GABRG3: variants seen among roughly 807,000 people sequenced by gnomAD.
The protein encoded by GABRG3 is gamma-aminobutyric acid receptor subunit gamma-3.
In GABRG3, 25 loss-of-function variants were observed where a neutral mutation model predicts 48.8. That is an observed-to-expected ratio of 0.51 (90% CI 0.37 to 0.72). The LOEUF (loss-of-function observed/expected upper bound fraction) is 0.72, where lower values mean the gene tolerates loss of function less well. Among genes scored for constraint, GABRG3 ranks in the 30% least tolerant of loss-of-function variants. GABRG3 has a pLI of 0.00. For missense variants in GABRG3, 394 were observed against 577.9 expected, an observed-to-expected ratio of 0.68 and a Z score of 3.26; for synonymous variants, 227 against 217.6, an observed-to-expected ratio of 1.04 and a Z score of -0.38.
At chr15:27,183,333 A>G (rs766123752) in intron 3 of GABRG3, among the ~76,000 whole-genome samples, 4 of 152,208 alleles carry the variant, frequency 2.6e-5, no homozygotes, top group Non-Finnish European at 5.9e-5. Flanking sequence ...TTTGCAGCTT[A>G]TGTTTAGCTC....
At chr15:27,301,634 ATATT>A (rs1378325937) in intron 3 of GABRG3, among the ~76,000 whole-genome samples, 1 of 151,916 alleles carries the variant, frequency 6.6e-6, no homozygotes, top group Non-Finnish European at 1.5e-5. Context: ...GTGTGTGTAT[ATATT>A]ATTTCATATG....
At chr15:27,284,351 T>A (rs1891538623) in intron 3 of GABRG3, among the ~76,000 whole-genome samples, 1 of 152,222 alleles carries the variant, frequency 6.6e-6, no homozygotes, top group African/African-American at 2.4e-5. Flanking sequence ...GACTTAATTT[T>A]AAAAATTCCC....
At chr15:27,205,111 A>G (rs1888811486) in intron 3 of GABRG3, among the ~76,000 whole-genome samples, 1 of 151,922 alleles carries the variant, frequency 6.6e-6, no homozygotes, top group Non-Finnish European at 1.5e-5. Context: ...CGGTGGCGAG[A>G]GAAGGTATCC....
chr15:27,034,562 C>T (rs967691432), intron 3 of GABRG3, among the ~76,000 whole-genome samples: 18 of 151,978 alleles, frequency 1.2e-4, no homozygotes, highest in Non-Finnish European at 2.4e-4. Flanking sequence ...AGGAGCCACA[C>T]AAGCTTTGTG....
intron 3 of GABRG3, among the ~76,000 whole-genome samples, chr15:27,051,057 T>C (rs951513954): frequency 6.6e-6 from 1 of 152,244 alleles, no homozygotes; most frequent in Non-Finnish European, 1.5e-5. Flanking sequence ...ACCAGATAAA[T>C]TGAGGCAATA....
intron 2 of GABRG3, among the ~76,000 whole-genome samples, chr15:27,018,840 T>C (rs565314722): frequency 6.6e-6 from 1 of 152,228 alleles, no homozygotes; most frequent in Admixed American, 6.5e-5. Context: ...TTTACCCAAA[T>C]TCTTCCACTT....
intron 3 of GABRG3, among the ~76,000 whole-genome samples, chr15:27,138,190 CCTG>C (rs1453518073): frequency 1.3e-5 from 2 of 152,138 alleles, no homozygotes; most frequent in African/African-American, 4.8e-5. Context: ...ATCTGCATAT[CCTG>C]CTCTTCTGAT....
intron 3 of GABRG3, among the ~76,000 whole-genome samples, chr15:27,068,380 A>G (rs998173899): frequency 2.0e-5 from 3 of 152,094 alleles, no homozygotes; most frequent in Non-Finnish European, 4.4e-5. Flanking sequence ...CATTGCAGAA[A>G]CTCTGTGCAC....
chr15:27,281,540 A>G (rs1322489174), intron 3 of GABRG3, among the ~76,000 whole-genome samples: 3 of 150,042 alleles, frequency 2.0e-5, no homozygotes, highest in African/African-American at 7.4e-5. Flanking sequence ...CTTTTTGTAT[A>G]GTTTTTTAAA....
intron 5 of GABRG3, among the ~76,000 whole-genome samples, chr15:27,338,433 A>T (rs1894051248): frequency 6.6e-6 from 1 of 152,074 alleles, no homozygotes; most frequent in African/African-American, 2.4e-5. Context: ...ATGGAAACCG[A>T]TTTAAGATGA....
At chr15:27,188,328 G>C (rs1888169105) in intron 3 of GABRG3, among the ~76,000 whole-genome samples, 4 of 152,132 alleles carry the variant, frequency 2.6e-5, no homozygotes, top group Admixed American at 2.6e-4. Context: ...GGTTGAACTA[G>C]TTTACAGTCC....
At chr15:27,307,329 A>T (rs898077619) in intron 3 of GABRG3, among the ~76,000 whole-genome samples, 17 of 140,608 alleles carry the variant, frequency 1.2e-4, no homozygotes, top group African/African-American at 4.1e-4. Context: ...ATATGTTTAT[A>T]TATAACCATA....
At chr15:27,143,593 A>G (rs1898145019) in intron 3 of GABRG3, among the ~76,000 whole-genome samples, 1 of 152,256 alleles carries the variant, frequency 6.6e-6, no homozygotes, top group South Asian at 2.1e-4. Flanking sequence ...TGACAGGATG[A>G]TATTTCACAA....
At chr15:27,054,015 A>G (rs1310145077) in intron 3 of GABRG3, among the ~76,000 whole-genome samples, 1 of 152,106 alleles carries the variant, frequency 6.6e-6, no homozygotes, top group Non-Finnish European at 1.5e-5. Context: ...TAATCCCTGC[A>G]CTTTGACTAA....
At position 27,336,208 on chromosome 15, in the gene GABRG3, A is replaced by AAGAGAG. The variant is rs71285057; in HGVS notation, c.574+7341_574+7346dup. ...CAGTATGAAAAGAAAGAAAGAAAGA[A>AAGAGAG]AGAGAGAGAGAGAGAGAGAGAGAGA... On this transcript the variant is annotated intron_variant, in intron 5 of 9. Transcript: ENST00000615808. 3.8e-3 allele frequency among the ~76,000 whole-genome samples: 533 copies of AAGAGAG among 138,778 alleles called. 1 individual carries two copies. The highest frequency in any genetic ancestry group is 0.015 in the African/African-American group (497 of 34,040). 91.0% of individuals were successfully genotyped at this position (138,778 alleles called of 152,430 possible).
chr15:27,503,599 C>G (rs112914398), intron 6 of GABRG3, among the ~76,000 whole-genome samples: 6 of 152,236 alleles, frequency 3.9e-5, no homozygotes, highest in African/African-American at 1.4e-4. Context: ...TCCCAAGGCT[C>G]AGAATACAGT....
chr15:27,062,434 T>TA (rs57903886), intron 3 of GABRG3, among the ~76,000 whole-genome samples: 6,196 of 32,828 alleles, frequency 0.19, 1,284 homozygotes, highest in Non-Finnish European at 0.26. Context: ...CCATCTCTAC[T>TA]AAAAAAAAAA....
In GABRG3 at chr15:27,459,801, A is replaced by G. The variant is rs572366898; in HGVS notation, c.575-20849A>G. Among the ~76,000 whole-genome samples, 73 of 152,322 alleles carry G rather than the reference A, an allele frequency of 4.8e-4. 1 individual carries two copies. The South Asian group carries it at 9.5e-3, about 20-fold the overall frequency. On this transcript the variant is annotated intron_variant, in intron 5 of 9. Coordinates refer to ENST00000615808, the MANE Select transcript of GABRG3 (RefSeq NM_033223.5). ...GTAAAATTAAATACCTCAGACTGAT[A>G]TACATTTCCTTTTGGTTCAATTTTC...
At chr15:27,113,144 G>A (rs935225252) in intron 3 of GABRG3, among the ~76,000 whole-genome samples, 2 of 151,468 alleles carry the variant, frequency 1.3e-5, no homozygotes, top group African/African-American at 4.9e-5. Context: ...CATTCTATTT[G>A]GACTATCTTA....
Sources: allele counts gnomAD v4.1 joint callset (sites outside exome capture counted in the v4.1 genomes callset), GRCh38; gene constraint gnomAD v4.1.1; transcripts MANE v1.5; gene names NCBI Gene and HGNC (gene_info 2026-07-23, HGNC 2026-07-21).